Variants in PCTP observed in about 807,000 individuals in gnomAD.
The protein encoded by PCTP is phosphatidylcholine transfer protein.
Under a neutral mutation model 31.0 loss-of-function variants are expected in PCTP, and 27 were observed. That is an observed-to-expected ratio of 0.87 (90% CI 0.64 to 1.20). The LOEUF is 1.20. PCTP is among the 50% of genes most tolerant of loss of function. The pLI is 0.00. For missense variants in PCTP, 287 were observed against 268.2 expected (o/e 1.07, Z -0.49); for synonymous variants, 108 against 101.2 (o/e 1.07, Z -0.40).
At chr17:55,771,324 G>A (rs1484379827) in intron 3 of PCTP, 139 bp downstream of exon 3, 7 of 687,040 alleles carry the variant, frequency 1.0e-5, no homozygotes, top group Non-Finnish European at 1.5e-5. Flanking sequence ...AGCAGCATTT[G>A]CTAAAGATAT....
At chr17:55,846,925 T>A (rs149255306), downstream of PCTP, among the ~76,000 whole-genome samples, 246 of 152,348 alleles carry the variant, frequency 1.6e-3, 1 homozygote, top group Middle Eastern at 0.014. Context: ...CATTGAGTTC[T>A]TAGATTCCCA....
intron 5 of PCTP, among the ~76,000 whole-genome samples, chr17:55,830,443 G>A (rs1392516339): frequency 6.6e-6 from 1 of 151,982 alleles, no homozygotes; most frequent in East Asian, 1.9e-4. Flanking sequence ...TTTAGCTTTA[G>A]GTTTTGCCAG....
chr17:55,782,551 G>A (rs887270128), intron 2 of PCTP, among the ~76,000 whole-genome samples: 2 of 152,158 alleles, frequency 1.3e-5, no homozygotes, highest in African/African-American at 4.8e-5. Context: ...TGTGCTTAAG[G>A]TAACTTGGCT....
At chr17:55,816,712 G>A (rs140259514) in intron 3 of PCTP, among the ~76,000 whole-genome samples, 2 of 152,270 alleles carry the variant, frequency 1.3e-5, no homozygotes, top group African/African-American at 2.4e-5. Context: ...ATCAGAAATC[G>A]ATTCCCTAGA....
At chr17:55,772,809 A>C (rs1911086573) in intron 3 of PCTP, among the ~76,000 whole-genome samples, 1 of 152,134 alleles carries the variant, frequency 6.6e-6, no homozygotes. Flanking sequence ...ATCTGGGATA[A>C]AAATTCATGT....
At chr17:55,804,417 A>G (rs377070406) in intron 3 of PCTP, among the ~76,000 whole-genome samples, 1 of 152,244 alleles carries the variant, frequency 6.6e-6, no homozygotes, top group Non-Finnish European at 1.5e-5. Context: ...ATGCGCATGT[A>G]TATTTATTGC....
intron 3 of PCTP, among the ~76,000 whole-genome samples, chr17:55,818,955 T>A (rs1913018216): frequency 7.7e-6 from 1 of 130,330 alleles, no homozygotes; most frequent in Non-Finnish European, 1.5e-5. Context: ...TGGCAGCCTG[T>A]GGCTTCCTCT....
At position 55,819,010 on chromosome 17, in the gene PCTP, C is replaced by CAAAAAAAAAAA. The variant is rs56823756; in HGVS notation, c.318-3734_318-3724dup. 7.6e-4 allele frequency among the ~76,000 whole-genome samples: 39 copies of CAAAAAAAAAAA among 51,098 alleles called. 2 individuals are homozygous for CAAAAAAAAAAA. Among genetic ancestry groups the CAAAAAAAAAAA allele is most frequent in the East Asian group, 8.9e-4 (1 of 1,128 alleles). 33.5% of individuals were successfully genotyped at this position (51,098 alleles called of 152,430 possible). A position where few individuals can be genotyped will look rare whatever the true frequency, so the allele number is the denominator to read the frequency against. Reference sequence around the variant, plus strand: ...GTCCTACCAGGCTCTGGAAAGAAATCAAAAAAAAAAAAAAAAAAAAAAAAA... The same window carrying CAAAAAAAAAAA: ...GTCCTACCAGGCTCTGGAAAGAAATCAAAAAAAAAAAAAAAAAAAAAAAAAAAAAAAAAAAA... On this transcript the variant is annotated intron_variant, in intron 3 of 3. Coordinates refer to the PCTP transcript ENST00000572536.
downstream of PCTP, among the ~76,000 whole-genome samples, chr17:55,847,439 T>C: frequency 6.6e-6 from 1 of 152,178 alleles, no homozygotes; most frequent in East Asian, 1.9e-4. Flanking sequence ...CTGGTGATAG[T>C]GAGTGAGTTC....
intron 3 of PCTP, among the ~76,000 whole-genome samples, chr17:55,814,819 G>C (rs1912866378): frequency 6.6e-6 from 1 of 152,202 alleles, no homozygotes; most frequent in African/African-American, 2.4e-5. Context: ...CTCCTGTGTG[G>C]AACTAGCAGA....
chr17:55,776,187 G>A lies in PCTP; in HGVS notation c.*87G>A. The A allele has an allele frequency of 1.9e-6, 3 of 1,561,328 alleles. No individual in the cohort carries two copies. Among genetic ancestry groups the A allele is most frequent in the Non-Finnish European group, 2.6e-6 (3 of 1,153,952 alleles). ...GTCTCTGGAAGTGCCACCTGGAAGT[G>A]CCACCTGGAAGTGTCTCTGGAAGAG... is the stretch of plus-strand genomic sequence containing the variant. On this transcript the variant is annotated 3_prime_UTR_variant, in exon 6 of 6. Transcript: ENST00000268896.
At chr17:55,802,492 T>G (rs959742935) in intron 3 of PCTP, among the ~76,000 whole-genome samples, 2 of 152,126 alleles carry the variant, frequency 1.3e-5, no homozygotes, top group Non-Finnish European at 2.9e-5. Flanking sequence ...GCAAACCAAA[T>G]CCAGCAGCAC....
Position 55,774,879 on chromosome 17 carries a change from G to T in PCTP, c.579+20G>T. The T allele has an allele frequency of 3.2e-6, 2 of 632,146 alleles. No homozygotes were observed. The highest frequency in any genetic ancestry group is 5.7e-6 in the Non-Finnish European group (2 of 352,324). 39.2% of individuals were successfully genotyped at this position (632,146 alleles called of 1,614,324 possible). A position where few individuals can be genotyped will look rare whatever the true frequency, so the allele number is the denominator to read the frequency against. On this transcript the variant is annotated intron_variant, in intron 5 of 5. Transcript: ENST00000268896. ...GCCAAGGTGAGATCCCAGGAGGTGG[G>T]GCGGGGGGAGGGATGGGGGAGTGTG... is the stretch of plus-strand genomic sequence containing the variant.
chr17:55,848,958 A>G, the PCTP span, among the ~76,000 whole-genome samples: 4 of 152,248 alleles, frequency 2.6e-5, no homozygotes, highest in Admixed American at 6.5e-5. Context: ...ATAGTGGTAT[A>G]ACTCAGTCTC....
At chr17:55,754,217 C>T (rs1450577130) in intron 1 of PCTP, among the ~76,000 whole-genome samples, 1 of 152,148 alleles carries the variant, frequency 6.6e-6, no homozygotes, top group Non-Finnish European at 1.5e-5. Flanking sequence ...CCCCCTCTTC[C>T]CTGCCACTTG....
chr17:55,852,007 T>C, the PCTP span, among the ~76,000 whole-genome samples: 1 of 152,188 alleles, frequency 6.6e-6, no homozygotes, highest in Non-Finnish European at 1.5e-5. Context: ...ATTCTACAAG[T>C]TTTGGAATTT....
chr17:55,822,675 C>T (rs1913152885), intron 3 of PCTP: 1 of 623,254 alleles, frequency 1.6e-6, no homozygotes, highest in Non-Finnish European at 2.3e-6. Context: ...ATCCAAACCC[C>T]TTATTCTGTG....
chr17:55,774,596 A>G (rs1390296417), intron 4 of PCTP, among the ~76,000 whole-genome samples, 196 bp from the exon 5 acceptor site: 4 of 152,198 alleles, frequency 2.6e-5, no homozygotes, highest in Non-Finnish European at 5.9e-5. Context: ...AAATGTGTCT[A>G]TGGCTGTTTT....
intron 3 of PCTP, among the ~76,000 whole-genome samples, chr17:55,800,736 CTGTT>C (rs1358952181): frequency 1.3e-5 from 2 of 152,104 alleles, no homozygotes; most frequent in Non-Finnish European, 2.9e-5. Flanking sequence ...CCTTTTTGCA[CTGTT>C]TTTTTCCTCA....
Sources: gnomAD v4.1 joint callset for allele counts (sites outside exome capture counted in the v4.1 genomes callset) on GRCh38, gnomAD v4.1.1 for gene constraint, MANE v1.5 for transcripts, NCBI Gene and HGNC (gene_info 2026-07-23, HGNC 2026-07-21) for gene names.